Variants in SLC35F1 observed in about 807,000 individuals in gnomAD.
SLC35F1 encodes solute carrier family 35 member F1.
Under a neutral mutation model 48.7 loss-of-function variants are expected in SLC35F1, and 14 were observed. The ratio of observed to expected loss-of-function variants is 0.29; its 90% CI spans 0.19 to 0.45. The LOEUF (loss-of-function observed/expected upper bound fraction) is 0.45. Among genes scored for constraint, SLC35F1 ranks in the 20% least tolerant of loss-of-function variants. The probability of loss-of-function intolerance (pLI) is 1.00; values close to 1 mark genes in which losing one functional copy is unlikely to be tolerated. For missense variants in SLC35F1, 404 were observed against 500.0 expected (o/e 0.81, Z 1.83); for synonymous variants, 190 against 202.2 (o/e 0.94, Z 0.51).
intron 3 of SLC35F1, among the ~76,000 whole-genome samples, chr6:118,239,171 CT>C (rs1257674652): frequency 6.6e-6 from 1 of 150,664 alleles, no homozygotes; most frequent in Non-Finnish European, 1.5e-5. Flanking sequence ...AAACTGTGAG[CT>C]CTTTCATAGC....
chr6:117,925,211 C>T (rs2114807405), intron 1 of SLC35F1, among the ~76,000 whole-genome samples: 1 of 152,126 alleles, frequency 6.6e-6, no homozygotes, highest in South Asian at 2.1e-4. Flanking sequence ...TCTCTGGAGT[C>T]CAGGGCATGG....
At chr6:118,275,309 AACTTT>A in intron 4 of SLC35F1, 145 bp from the exon 5 acceptor site, 2 of 842,348 alleles carry the variant, frequency 2.4e-6, no homozygotes, top group Non-Finnish European at 3.6e-6. Context: ...AGCACAGATA[AACTTT>A]ACTAAATCTC....
chr6:117,942,629 G>A (rs954914994), intron 1 of SLC35F1, among the ~76,000 whole-genome samples: 4 of 152,116 alleles, frequency 2.6e-5, no homozygotes, highest in Admixed American at 2.0e-4. Context: ...AAATGTTAAC[G>A]ATTATAGCTT....
chr6:118,019,479 G>A (rs372329406), intron 1 of SLC35F1, among the ~76,000 whole-genome samples: 2 of 152,204 alleles, frequency 1.3e-5, no homozygotes, highest in East Asian at 1.9e-4. Context: ...AAAATTAGCC[G>A]GGCGTGGTGG....
intron 1 of SLC35F1, among the ~76,000 whole-genome samples, chr6:118,092,239 G>A (rs1189492919): frequency 6.6e-6 from 1 of 152,138 alleles, no homozygotes; most frequent in Non-Finnish European, 1.5e-5. Context: ...AGGAAAAATG[G>A]TTTCCTCCAG....
chr6:117,944,402 T>C (rs1324951519), intron 1 of SLC35F1, among the ~76,000 whole-genome samples: 2 of 152,142 alleles, frequency 1.3e-5, no homozygotes, highest in African/African-American at 4.8e-5. Flanking sequence ...AGTATAAATT[T>C]GGTTGTTAGG....
chr6:118,285,457 G>A (rs1776038077), intron 7 of SLC35F1, 119 bp downstream of exon 7: 4 of 1,143,952 alleles, frequency 3.5e-6, no homozygotes, highest in Admixed American at 3.6e-5. Context: ...ATGTAACTGG[G>A]TGTGCTAACC....
At chr6:118,005,788 G>A (rs183098941) in intron 1 of SLC35F1, among the ~76,000 whole-genome samples, 153 of 152,142 alleles carry the variant, frequency 1.0e-3, no homozygotes, top group African/African-American at 3.6e-3. Context: ...CTGACCCACC[G>A]TCTGATACAG....
At chr6:118,202,807 G>A (rs147156832) in intron 2 of SLC35F1, among the ~76,000 whole-genome samples, 108 of 152,326 alleles carry the variant, frequency 7.1e-4, no homozygotes, top group African/African-American at 2.5e-3. Context: ...GGCAAATGTG[G>A]GATGCTCCTT....
chr6:117,923,575 A>G (rs1447439843), intron 1 of SLC35F1, among the ~76,000 whole-genome samples: 2 of 104,466 alleles, frequency 1.9e-5, no homozygotes, highest in South Asian at 4.1e-4. Context: ...ACAAATACAT[A>G]TGTGTGTGTA....
intron 2 of SLC35F1, among the ~76,000 whole-genome samples, chr6:118,185,776 TTG>T (rs1388400154): frequency 6.6e-6 from 1 of 152,068 alleles, no homozygotes; most frequent in Non-Finnish European, 1.5e-5. Flanking sequence ...ACCCTTGAAT[TTG>T]AGAGCCTTGG....
At chr6:118,012,263 T>C (rs1348486162) in intron 1 of SLC35F1, among the ~76,000 whole-genome samples, 2 of 151,878 alleles carry the variant, frequency 1.3e-5, no homozygotes, top group Non-Finnish European at 2.9e-5. Context: ...ACTGTCATTT[T>C]ATTCATCTTT....
chr6:118,004,477 A>G (rs531806974), intron 1 of SLC35F1, among the ~76,000 whole-genome samples: 1 of 152,350 alleles, frequency 6.6e-6, no homozygotes, highest in East Asian at 1.9e-4. Flanking sequence ...ACAAAGTTCT[A>G]ATCCTACTAG....
chr6:118,199,586 C>T (rs1011667129), intron 2 of SLC35F1, among the ~76,000 whole-genome samples: 1 of 152,152 alleles, frequency 6.6e-6, no homozygotes, highest in Non-Finnish European at 1.5e-5. Context: ...AGATATTGAA[C>T]AACCAGTTCA....
chr6:118,126,473 T>C (rs1014093333), intron 1 of SLC35F1, among the ~76,000 whole-genome samples: 8 of 152,156 alleles, frequency 5.3e-5, no homozygotes, highest in African/African-American at 1.2e-4. Flanking sequence ...GGCTCTTTTT[T>C]GGTTCCATAT....
chr6:118,124,430 G>A (rs777818073), intron 1 of SLC35F1, among the ~76,000 whole-genome samples: 2 of 152,102 alleles, frequency 1.3e-5, no homozygotes, highest in Non-Finnish European at 2.9e-5. Context: ...GTGCTCTTCA[G>A]TCTTGGAGCC....
rs145460732 is a variant in SLC35F1 at position 118,130,679 on chromosome 6, G to GT, written c.174-23756dup. ...TCAGAAACACCTATCTCTTAAGGTA[G>GT]TTTTTTTTTTCAATTTTATCTGCAA... On this transcript the variant is annotated intron_variant, in intron 1 of 7. Coordinates refer to ENST00000360388, the MANE Select transcript of SLC35F1 (RefSeq NM_001029858.4). 6.7e-3 allele frequency among the ~76,000 whole-genome samples: 1,002 copies of GT among 149,846 alleles called. 18 individuals carry two copies. The highest frequency in any genetic ancestry group is 0.022 in the African/African-American group (891 of 40,798).
chr6:118,082,910 G>T (rs1772932914), intron 1 of SLC35F1, among the ~76,000 whole-genome samples: 1 of 152,100 alleles, frequency 6.6e-6, no homozygotes, highest in Non-Finnish European at 1.5e-5. Flanking sequence ...GGAGAAGGAA[G>T]ACTCTGAATA....
At chr6:117,962,073 A>G (rs576323221) in intron 1 of SLC35F1, among the ~76,000 whole-genome samples, 79 of 152,202 alleles carry the variant, frequency 5.2e-4, no homozygotes, top group African/African-American at 1.8e-3. Flanking sequence ...ATGTTTAGTA[A>G]CTCTTGTATT....
Sources: allele counts gnomAD v4.1 joint callset (sites outside exome capture counted in the v4.1 genomes callset), GRCh38; gene constraint gnomAD v4.1.1; transcripts MANE v1.5; gene names NCBI Gene and HGNC (gene_info 2026-07-23, HGNC 2026-07-21).